MAP3K13: variants seen among roughly 807,000 people sequenced by gnomAD.
MAP3K13 encodes the protein leucine zipper-bearing kinase.
Under a neutral mutation model 104.0 loss-of-function variants are expected in MAP3K13, and 52 were observed. The observed-to-expected ratio is 0.50, with a 90% CI of 0.40 to 0.63. MAP3K13 has a LOEUF of 0.63. Among genes scored for constraint, MAP3K13 ranks in the 20% least tolerant of loss-of-function variants. The probability of loss-of-function intolerance (pLI) is 0.00; values close to 1 mark genes in which losing one functional copy is unlikely to be tolerated. For missense variants in MAP3K13, 914 were observed against 1,218.5 expected (o/e 0.75, Z 3.72); for synonymous variants, 394 against 442.2 (o/e 0.89, Z 1.37).
At chr3:185,455,799 G>GATATATGAGATATATATATGAGAT (rs1716669750) in intron 7 of MAP3K13, among the ~76,000 whole-genome samples, 3 of 52,450 alleles carry the variant, frequency 5.7e-5, no homozygotes, top group African/African-American at 1.8e-4. Flanking sequence ...ATATATATGA[G>GATATATGAGATATATATATGAGAT]ATATATGAGA....
chr3:185,480,958 C>G (rs988944011), intron 13 of MAP3K13, among the ~76,000 whole-genome samples: 4 of 152,122 alleles, frequency 2.6e-5, no homozygotes, highest in Non-Finnish European at 5.9e-5. Context: ...GTGCCTCCCC[C>G]AACATTGGGA....
intron 2 of MAP3K13, among the ~76,000 whole-genome samples, chr3:185,286,755 A>T (rs1257153668): frequency 6.6e-6 from 1 of 152,204 alleles, no homozygotes; most frequent in African/African-American, 2.4e-5. Flanking sequence ...AACCAGTGTA[A>T]GGAATTATTG....
intron 1 of MAP3K13, among the ~76,000 whole-genome samples, chr3:185,408,852 G>A (rs560905284): frequency 6.6e-6 from 1 of 152,286 alleles, no homozygotes; most frequent in African/African-American, 2.4e-5. Flanking sequence ...ATTTATTACA[G>A]TCCTAGGGCA....
chr3:185,462,055 G>C (rs950144184), intron 7 of MAP3K13, among the ~76,000 whole-genome samples: 20 of 152,100 alleles, frequency 1.3e-4, no homozygotes, highest in Admixed American at 1.3e-3. Context: ...TTTTTAACAT[G>C]AATCTAAAGG....
intron 2 of MAP3K13, among the ~76,000 whole-genome samples, chr3:185,308,301 C>T (rs534968156): frequency 6.6e-6 from 1 of 152,096 alleles, no homozygotes; most frequent in East Asian, 1.9e-4. Flanking sequence ...GGCACTTGCT[C>T]CCTCTGGTGT....
At chr3:185,416,484 A>T (rs937940644) in intron 1 of MAP3K13, among the ~76,000 whole-genome samples, 2 of 151,898 alleles carry the variant, frequency 1.3e-5, no homozygotes, top group African/African-American at 4.8e-5. Context: ...AGGCTTAGAG[A>T]GAGTTATGGC....
Position 185,466,982 on chromosome 3 carries a change from C to T in MAP3K13, c.1643+19C>T, listed in dbSNP as rs753518315. On this transcript the variant is annotated intron_variant, in intron 10 of 13. Transcript: ENST00000265026. ...CCAAACGGTGAGACACCTGTACAAA[C>T]GCAGTATTCAGATAAATAGGGAAAG... is the stretch of plus-strand genomic sequence containing the variant. 69 of 1,613,740 alleles carry T rather than the reference C, an allele frequency of 4.3e-5. No individual in the cohort carries two copies. The East Asian group carries it at 6.2e-4, about 15-fold the overall frequency.
chr3:185,325,638 G>T (rs1334504488), intron 2 of MAP3K13, among the ~76,000 whole-genome samples: 2 of 152,310 alleles, frequency 1.3e-5, no homozygotes, highest in Admixed American at 1.3e-4. Flanking sequence ...GATCAGACTG[G>T]CTGTGAAGGG....
chr3:185,325,317 G>T (rs929462777), intron 2 of MAP3K13, among the ~76,000 whole-genome samples: 2 of 152,154 alleles, frequency 1.3e-5, no homozygotes, highest in Non-Finnish European at 2.9e-5. Flanking sequence ...ACAGGTCATT[G>T]GATTTAGAGC....
At chr3:185,288,831 G>A (rs1411166693) in intron 2 of MAP3K13, among the ~76,000 whole-genome samples, 1 of 152,116 alleles carries the variant, frequency 6.6e-6, no homozygotes, top group East Asian at 1.9e-4. Flanking sequence ...AGGGCAGAAA[G>A]AAGAGAGAAC....
intron 2 of MAP3K13, among the ~76,000 whole-genome samples, chr3:185,289,941 A>G (rs577192956): frequency 7.9e-5 from 12 of 152,194 alleles, no homozygotes; most frequent in Non-Finnish European, 1.8e-4. Context: ...CTAGAGTAAT[A>G]CAGACAGATT....
intron 1 of MAP3K13, among the ~76,000 whole-genome samples, chr3:185,375,916 G>A (rs1212677839): frequency 1.3e-5 from 2 of 152,148 alleles, no homozygotes; most frequent in South Asian, 2.1e-4. Context: ...AAATATTGAC[G>A]CATAGTCGCT....
intron 2 of MAP3K13, among the ~76,000 whole-genome samples, chr3:185,326,192 A>G (rs891006114): frequency 3.3e-5 from 5 of 152,180 alleles, no homozygotes; most frequent in Non-Finnish European, 7.3e-5. Flanking sequence ...GAGTCTTGTC[A>G]GATGGATTCA....
At chr3:185,454,886 A>ATATATATGAGATATATACAT in intron 7 of MAP3K13, among the ~76,000 whole-genome samples, 1 of 101,376 alleles carries the variant, frequency 9.9e-6, no homozygotes, top group Admixed American at 1.3e-4. Flanking sequence ...TATATATGAT[A>ATATATATGAGATATATACAT]TATATATGAG....
chr3:185,438,549 T>C (rs1715167724), intron 3 of MAP3K13, among the ~76,000 whole-genome samples: 1 of 152,344 alleles, frequency 6.6e-6, no homozygotes, highest in Admixed American at 6.5e-5. Flanking sequence ...TAGTAAGTCA[T>C]ATGTTATATT....
At chr3:185,397,642 C>T (rs1025967152) in intron 1 of MAP3K13, among the ~76,000 whole-genome samples, 2 of 152,004 alleles carry the variant, frequency 1.3e-5, no homozygotes, top group African/African-American at 4.8e-5. Flanking sequence ...CTGAGAAACT[C>T]CCTCCTTTAA....
intron 2 of MAP3K13, among the ~76,000 whole-genome samples, chr3:185,288,538 G>A (rs943113160): frequency 3.3e-5 from 5 of 150,754 alleles, no homozygotes; most frequent in African/African-American, 1.2e-4. Flanking sequence ...GTGTGTTTGT[G>A]TGTATATATA....
At chr3:185,400,862 G>T (rs1577511979) in intron 1 of MAP3K13, among the ~76,000 whole-genome samples, 5 of 131,764 alleles carry the variant, frequency 3.8e-5, no homozygotes, top group Admixed American at 7.5e-5. Flanking sequence ...TTGATTTTCT[G>T]CACTGTTTCT....
chr3:185,466,898 C>G lies in MAP3K13; in HGVS notation c.1578C>G (p.Pro526=), dbSNP rs1311070059. The change falls in exon 10 of 14, where the codon CCC becomes CCG. Residue 526 remains proline, a synonymous_variant. Transcript: ENST00000265026. ...ACCCTGTTCGTCCTATCATCCATCC[C>G]AATGCCATGGAGAAACTCATGAAAA... The part of the protein sequence containing the change: ...KRHPVRPIIH[P]NAMEKLMKRK... 1 of 1,613,892 alleles carries G rather than the reference C, an allele frequency of 6.2e-7. No homozygotes were observed. The highest frequency in any genetic ancestry group is 8.5e-7 in the Non-Finnish European group (1 of 1,179,872).
Sources: gnomAD v4.1 joint callset for allele counts (sites outside exome capture counted in the v4.1 genomes callset) on GRCh38, gnomAD v4.1.1 for gene constraint, MANE v1.5 for transcripts, NCBI Gene and HGNC (gene_info 2026-07-23, HGNC 2026-07-21) for gene names.